The following IPO9 variants were observed in gnomAD, a reference collection of about 807,000 sequenced individuals.
The protein encoded by IPO9 is importin-9.
IPO9 carries 28 observed loss-of-function variants against 128.6 expected under a neutral mutation model. The ratio of observed to expected loss-of-function variants is 0.22; its 90% CI spans 0.16 to 0.30. The LOEUF (loss-of-function observed/expected upper bound fraction) is 0.30, where lower values mean the gene tolerates loss of function less well. IPO9 is among the 10% of genes least tolerant of loss of function. The probability of loss-of-function intolerance (pLI) is 1.00; values close to 1 mark genes in which losing one functional copy is unlikely to be tolerated. For synonymous variants in IPO9, 455 were observed against 475.8 expected, an observed-to-expected ratio of 0.96 and a Z score of 0.57; for missense variants, 935 against 1,293.9, an observed-to-expected ratio of 0.72 and a Z score of 4.26.
In IPO9 at chr1:201,878,395, G is replaced by C. The variant is rs906133529; in HGVS notation, c.*2341G>C. 4.6e-5 allele frequency: 7 copies of C among 152,590 alleles called. No homozygotes were observed. The highest frequency in any genetic ancestry group is 1.3e-4 in the Admixed American group (2 of 15,282). 9.5% of individuals were successfully genotyped at this position (152,590 alleles called of 1,614,324 possible). A position where few individuals can be genotyped will look rare whatever the true frequency, so the allele number is the denominator to read the frequency against. ...ACTGCTGAGCTTGGGAAGGCTTAAG[G>C]CTCCCACACACAGACTGAGAATGAT... On this transcript the variant is annotated 3_prime_UTR_variant, in exon 24 of 24. Coordinates refer to ENST00000361565, the MANE Select transcript of IPO9 (RefSeq NM_018085.5).
At chr1:201,867,725 C>G (rs59212970) in intron 15 of IPO9, among the ~76,000 whole-genome samples, 1 of 151,236 alleles carries the variant, frequency 6.6e-6, no homozygotes, top group African/African-American at 2.4e-5. Context: ...TTTATTAATA[C>G]CTTATTACTA....
intron 11 of IPO9, among the ~76,000 whole-genome samples, chr1:201,857,446 G>T (rs1355848321): frequency 1.3e-5 from 2 of 152,172 alleles, no homozygotes; most frequent in Non-Finnish European, 2.9e-5. Flanking sequence ...GGGTGCGGGG[G>T]AGAATTGTAT....
chr1:201,844,782 CT>C (rs1680095824), intron 1 of IPO9, among the ~76,000 whole-genome samples: 1 of 152,098 alleles, frequency 6.6e-6, no homozygotes, highest in Admixed American at 6.6e-5. Context: ...TGGTATTAAG[CT>C]TTTCTATTGT....
At chr1:201,839,461 T>C (rs1679997287) in intron 1 of IPO9, among the ~76,000 whole-genome samples, 1 of 147,592 alleles carries the variant, frequency 6.8e-6, no homozygotes, top group African/African-American at 2.5e-5. Flanking sequence ...CTCGGGAGGC[T>C]GAGGCAGGAG....
Position 201,863,590 on chromosome 1 carries a change from A to T in IPO9, c.1611A>T (p.Ala537=), listed in dbSNP as rs769900278. The T allele has an allele frequency of 1.3e-6, 2 of 1,591,550 alleles. No homozygotes were observed. The highest frequency in any genetic ancestry group is 1.7e-6 in the Non-Finnish European group (2 of 1,161,908). Residue 537 remains alanine (A), a synonymous_variant, in exon 14 of 24, where the codon GCA becomes GCT. Transcript: ENST00000361565. ...AGCCCCCATCAGTTCGAATTTCTGC[A>T]GTGAGAGCCATCTGGGGGTGAGTAT... is the stretch of plus-strand genomic sequence containing the variant. The part of the protein sequence containing the change: ...ETQPPSVRIS[A]VRAIWGYCDQ...
chr1:201,879,671 AGATT>A lies in IPO9; in HGVS notation c.*3621_*3624del, dbSNP rs756005318. The A allele has an allele frequency of 6.6e-6, 1 of 152,246 alleles. No individual in the cohort carries two copies. The highest frequency in any genetic ancestry group is 2.4e-5 in the African/African-American group (1 of 41,472). 9.4% of individuals were successfully genotyped at this position (152,246 alleles called of 1,614,324 possible). Reference sequence around the variant, plus strand: ...CTAAATGTAACATTTCAATAAATGCAGATTGATAATAACATCTGTGCAGAGTTGA... The same window carrying A: ...CTAAATGTAACATTTCAATAAATGCAGATAATAACATCTGTGCAGAGTTGA... On this transcript the variant is annotated 3_prime_UTR_variant, in exon 24 of 24. Coordinates refer to ENST00000361565, the MANE Select transcript of IPO9 (RefSeq NM_018085.5).
intron 1 of IPO9, among the ~76,000 whole-genome samples, chr1:201,836,054 G>A (rs578012012): frequency 1.7e-4 from 23 of 137,096 alleles, no homozygotes; most frequent in South Asian, 4.9e-4. Context: ...AGAGCTTGCA[G>A]TGAGCCAAGA....
intron 1 of IPO9, among the ~76,000 whole-genome samples, chr1:201,842,376 ATGAT>A (rs1181265325): frequency 6.6e-6 from 1 of 152,150 alleles, no homozygotes; most frequent in African/African-American, 2.4e-5. Flanking sequence ...TTACCCTACC[ATGAT>A]TGATTGAACC....
intron 1 of IPO9, among the ~76,000 whole-genome samples, chr1:201,830,836 T>C (rs1679820197): frequency 6.6e-6 from 1 of 152,230 alleles, no homozygotes; most frequent in Non-Finnish European, 1.5e-5. Context: ...AATGCATGTC[T>C]GGCACCTTTG....
At chr1:201,831,642 A>G (rs563742710) in intron 1 of IPO9, among the ~76,000 whole-genome samples, 3 of 152,284 alleles carry the variant, frequency 2.0e-5, no homozygotes, top group African/African-American at 4.8e-5. Flanking sequence ...ACTCTGTCTG[A>G]ATCTCTCAGA....
In IPO9 at chr1:201,870,855, G is replaced by T; in HGVS notation, c.2406G>T (p.Met802Ile). ...AGCAGGCAGAGACGCTCAGTGTCATGCAGGTAAGAGAGCAGTGGGGAGTGG... is the reference window on the plus strand; with the variant it reads ...AGCAGGCAGAGACGCTCAGTGTCATTCAGGTAAGAGAGCAGTGGGGAGTGG... ...KMQQAETLSV[M>I]QSLIMVFAHL... Residue 802 changes from methionine to isoleucine, a missense_variant, in exon 18 of 24, where the codon ATG becomes ATT. Coordinates refer to ENST00000361565, the MANE Select transcript of IPO9 (RefSeq NM_018085.5). This position sits in a 1 kb window ranked among gnomAD's most constrained non-coding sequence, Gnocchi z 4.9. 3 of 1,607,912 alleles carry T rather than the reference G, an allele frequency of 1.9e-6. No individual in the cohort carries two copies. Among genetic ancestry groups the T allele is most frequent in the Non-Finnish European group, 2.6e-6 (3 of 1,175,678 alleles).
intron 14 of IPO9, 87 bp from the exon 15 acceptor site, chr1:201,866,646 A>C: frequency 9.9e-7 from 1 of 1,011,176 alleles, no homozygotes; most frequent in Admixed American, 1.9e-5. Context: ...AAAGCTACAC[A>C]TACAAATGCT....
chr1:201,861,295 G>A (rs979983416), intron 13 of IPO9, among the ~76,000 whole-genome samples: 69 of 152,218 alleles, frequency 4.5e-4, no homozygotes, highest in African/African-American at 1.7e-3. Context: ...CTCACTTACA[G>A]TGGTTGGACT....
chr1:201,857,577 C>T (rs565378044), intron 11 of IPO9, among the ~76,000 whole-genome samples: 1 of 152,244 alleles, frequency 6.6e-6, no homozygotes, highest in East Asian at 1.9e-4. Flanking sequence ...GGGCAGATCA[C>T]CTGAGGTCCA....
At chr1:201,861,515 G>T (rs1186638134) in intron 13 of IPO9, among the ~76,000 whole-genome samples, 1 of 152,214 alleles carries the variant, frequency 6.6e-6, no homozygotes, top group East Asian at 1.9e-4. Flanking sequence ...CATGTTTAAG[G>T]TAGGCCCGGC....
Position 201,874,934 on chromosome 1 carries a change from A to G in IPO9, c.2936A>G (p.Tyr979Cys), listed in dbSNP as rs767167104. 6 of 1,603,062 alleles carry G rather than the reference A, an allele frequency of 3.7e-6. No individual in the cohort carries two copies. In the Admixed American group the frequency reaches 8.3e-5, roughly 22 times the overall value. ...TCTGACATTCTTGCTACAAGTAAATATGGTAAGCTGTTTGATAAGAGGACA... is the reference window on the plus strand; with the variant it reads ...TCTGACATTCTTGCTACAAGTAAATGTGGTAAGCTGTTTGATAAGAGGACA... The part of the protein sequence containing the change: ...LLSDILATSK[Y>C]EEDYYEDDEE... Residue 979 changes from tyrosine to cysteine, a missense_variant and splice_region_variant, in exon 22 of 24, where the codon TAT (tyrosine) becomes TGT (cysteine). Coordinates refer to ENST00000361565, the MANE Select transcript of IPO9 (RefSeq NM_018085.5).
At chr1:201,834,131 T>G (rs1466163386) in intron 1 of IPO9, among the ~76,000 whole-genome samples, 2 of 152,106 alleles carry the variant, frequency 1.3e-5, no homozygotes, top group African/African-American at 4.8e-5. Context: ...TGTAGGAAAT[T>G]TACTTCTACC....
At position 201,854,879 on chromosome 1, in the gene IPO9, G is replaced by C. The variant is rs1379291141; in HGVS notation, c.867G>C (p.Gln289His). 5 of 1,611,276 alleles carry C rather than the reference G, an allele frequency of 3.1e-6. No homozygotes were observed. Among genetic ancestry groups the C allele is most frequent in the Non-Finnish European group, 4.2e-6 (5 of 1,179,260 alleles). Residue 289 changes from glutamine (Q) to histidine (H), a missense_variant, in exon 8 of 24, where the codon CAG becomes CAC. By Grantham distance (24) the Gln-to-His change is conservative. Transcript: ENST00000361565. The stretch of plus-strand genomic sequence containing the variant: ...AGCACATGGTGTCCTCCATGCAGCA[G>C]ATTCTGCCTATTGTTTGGAACACCC... Reference protein sequence around the residue: ...FPKHMVSSMQQILPIVWNTLT... With the variant: ...FPKHMVSSMQHILPIVWNTLT...
In IPO9 at chr1:201,861,926, T is replaced by G. The variant is rs150814651; in HGVS notation, c.1469-1522T>G. On this transcript the variant is annotated intron_variant, in intron 13 of 23. Transcript: ENST00000361565. ...AGGTAATGCAAGGAGGTGAATATGT[T>G]GGCTTGCAATATGAACAAGGCAGAG... Among the ~76,000 whole-genome samples the G allele has an allele frequency of 3.9e-4, 60 of 152,232 alleles. No individual in the cohort carries two copies. The East Asian group carries it at 8.9e-3, about 22-fold the overall frequency.
Sources: allele counts gnomAD v4.1 joint callset (sites outside exome capture counted in the v4.1 genomes callset), GRCh38; gene constraint gnomAD v4.1.1; non-coding constraint Gnocchi (gnomAD v3.1); transcripts MANE v1.5; gene names NCBI Gene and HGNC (gene_info 2026-07-23, HGNC 2026-07-21).